CTNNA2: variants seen among roughly 807,000 people sequenced by gnomAD.
CTNNA2 encodes catenin alpha-2.
Under a neutral mutation model 101.0 loss-of-function variants are expected in CTNNA2, and 42 were observed. That is an observed-to-expected ratio of 0.42 (90% CI 0.32 to 0.54). The LOEUF (loss-of-function observed/expected upper bound fraction) is 0.54. CTNNA2 is among the 20% of genes least tolerant of loss of function. CTNNA2 has a pLI of 0.14. For synonymous variants in CTNNA2, 450 were observed against 456.4 expected (o/e 0.99, Z 0.18); for missense variants, 871 against 1,223.1 (o/e 0.71, Z 4.29).
At chr2:79,378,290 A>G (rs1198967208) in intron 4 of CTNNA2, among the ~76,000 whole-genome samples, 6 of 152,210 alleles carry the variant, frequency 3.9e-5, no homozygotes, top group African/African-American at 1.4e-4. Flanking sequence ...GAGAGAAAAG[A>G]TCAAATGTAG....
rs114314432 is a variant in CTNNA2 at position 79,502,382 on chromosome 2, A to C, written c.-134-2672A>C. ...TGTTGAGAATGTACAACTTCTTGGCATAAAAGTGAAGAAAAATTCTACAGC... is the reference window on the plus strand; with the variant it reads ...TGTTGAGAATGTACAACTTCTTGGCCTAAAAGTGAAGAAAAATTCTACAGC... On this transcript the variant is annotated intron_variant, in intron 4 of 21. Coordinates refer to the CTNNA2 transcript ENST00000466387. Among the ~76,000 whole-genome samples, 189 of 152,326 alleles carry C rather than the reference A, an allele frequency of 1.2e-3. 1 individual carries two copies. The highest frequency in any genetic ancestry group is 2.0e-3 in the Non-Finnish European group (137 of 68,036).
chr2:79,586,158 G>T (rs530086532), intron 1 of CTNNA2, among the ~76,000 whole-genome samples: 1 of 152,130 alleles, frequency 6.6e-6, no homozygotes, highest in Admixed American at 6.5e-5. Flanking sequence ...TCTGCACCGG[G>T]TGCTGAACAC....
intron 3 of CTNNA2, among the ~76,000 whole-genome samples, chr2:79,362,801 A>G (rs984912561): frequency 6.6e-6 from 1 of 152,184 alleles, no homozygotes; most frequent in African/African-American, 2.4e-5. Flanking sequence ...AAAGGATGAC[A>G]CAGAGCATAG....
intron 1 of CTNNA2, among the ~76,000 whole-genome samples, chr2:79,577,753 C>T (rs1383830769): frequency 6.6e-6 from 1 of 152,086 alleles, no homozygotes; most frequent in East Asian, 1.9e-4. Flanking sequence ...CTCAATAGTG[C>T]TGTCTCTTTG....
At position 79,322,625 on chromosome 2, in the gene CTNNA2, C is replaced by G. The variant is rs1361457389; in HGVS notation, c.-318+9829C>G. 3.9e-5 allele frequency among the ~76,000 whole-genome samples: 6 copies of G among 152,180 alleles called. No individual in the cohort carries two copies. In the East Asian group the frequency reaches 1.2e-3, roughly 29 times the overall value. ...GGGACTCAGGCTATCTTGAAAGACA[C>G]AGAGCATATTCTCATCCACTTCTAT... is the stretch of plus-strand genomic sequence containing the variant. On this transcript the variant is annotated intron_variant, in intron 3 of 21. Transcript: ENST00000466387.
chr2:79,922,267 A>G (rs1686712957), intron 7 of CTNNA2, among the ~76,000 whole-genome samples: 1 of 152,186 alleles, frequency 6.6e-6, no homozygotes, highest in South Asian at 2.1e-4. Context: ...ACTCAAGAAG[A>G]CATCATTTGC....
intron 1 of CTNNA2, among the ~76,000 whole-genome samples, chr2:79,561,735 C>T (rs1674793890): frequency 6.6e-6 from 1 of 151,822 alleles, no homozygotes; most frequent in African/African-American, 2.4e-5. Context: ...TTTTCATGTA[C>T]TTGGTGGCCC....
chr2:79,546,217 A>G (rs563123653), intron 1 of CTNNA2, among the ~76,000 whole-genome samples: 3 of 152,210 alleles, frequency 2.0e-5, no homozygotes, highest in East Asian at 3.9e-4. Flanking sequence ...ACATACTCTC[A>G]CTCAGATGGC....
intron 7 of CTNNA2, among the ~76,000 whole-genome samples, chr2:79,969,143 G>T (rs1325119488): frequency 6.6e-6 from 1 of 152,124 alleles, no homozygotes; most frequent in Non-Finnish European, 1.5e-5. Context: ...GGCTTTCCTT[G>T]TGCACTACCA....
At chr2:79,530,923 A>T (rs1439984094) in intron 1 of CTNNA2, among the ~76,000 whole-genome samples, 1 of 152,088 alleles carries the variant, frequency 6.6e-6, no homozygotes, top group African/African-American at 2.4e-5. Context: ...GTAGGTAGAC[A>T]GAAATGGGTC....
chr2:80,355,251 C>G (rs912571623), intron 7 of CTNNA2, among the ~76,000 whole-genome samples: 2 of 152,200 alleles, frequency 1.3e-5, no homozygotes, highest in Admixed American at 1.3e-4. Flanking sequence ...TTTACAGACT[C>G]TCCTCCGGCT....
chr2:80,565,012 A>G (rs1204132598), intron 12 of CTNNA2, among the ~76,000 whole-genome samples: 2 of 152,214 alleles, frequency 1.3e-5, no homozygotes, highest in Non-Finnish European at 1.5e-5. Flanking sequence ...AAGACACTTA[A>G]GATTTAAATT....
At chr2:79,917,817 A>G (rs2104365523) in intron 7 of CTNNA2, among the ~76,000 whole-genome samples, 1 of 152,208 alleles carries the variant, frequency 6.6e-6, no homozygotes, top group Admixed American at 6.5e-5. Flanking sequence ...GGAGAGTGTG[A>G]GAGCTTGTGT....
chr2:80,591,464 T>TG, intron 15 of CTNNA2, among the ~76,000 whole-genome samples: 1 of 140,174 alleles, frequency 7.1e-6, no homozygotes, highest in Non-Finnish European at 1.5e-5. Flanking sequence ...CCTGTTTTTT[T>TG]TTTTTTTTTT....
chr2:79,728,168 G>A (rs558766749), intron 2 of CTNNA2, among the ~76,000 whole-genome samples: 1 of 152,226 alleles, frequency 6.6e-6, no homozygotes, highest in Admixed American at 6.5e-5. Flanking sequence ...CTTCCACAAT[G>A]GTTGAACTAG....
chr2:79,872,020 A>G (rs1018208812), intron 5 of CTNNA2, among the ~76,000 whole-genome samples: 1 of 152,222 alleles, frequency 6.6e-6, no homozygotes. Flanking sequence ...AACACATAAT[A>G]CCCTACCACC....
rs575733631 is a variant in CTNNA2, at chr2:79,860,530, C to T, written c.465+2351C>T. On this transcript the variant is annotated intron_variant, in intron 4 of 18. Transcript: ENST00000402739. ...AGTCAATTGCAATCTCTTCTCCACA[C>T]AGCCGAGTAAGGGAAGTTTTTTTTT... is the stretch of plus-strand genomic sequence containing the variant. Among the ~76,000 whole-genome samples, 4 of 113,138 alleles carry T rather than the reference C, an allele frequency of 3.5e-5. No homozygotes were observed. The East Asian group carries it at 9.7e-4, about 27-fold the overall frequency. The allele number at this position is 113,138 out of a possible 152,430, so 74.2% of individuals were successfully genotyped here.
At chr2:79,870,950 C>A (rs1682541480) in intron 5 of CTNNA2, among the ~76,000 whole-genome samples, 1 of 152,154 alleles carries the variant, frequency 6.6e-6, no homozygotes, top group African/African-American at 2.4e-5. Flanking sequence ...ACCATATCAG[C>A]CTCCTTTTTG....
chr2:79,263,872 T>C (rs1445284943), intron 2 of CTNNA2, among the ~76,000 whole-genome samples: 1 of 152,154 alleles, frequency 6.6e-6, no homozygotes, highest in African/African-American at 2.4e-5. Flanking sequence ...TGGTTATAAC[T>C]TACCCAGTCT....
Sources: gnomAD v4.1 joint callset for allele counts (sites outside exome capture counted in the v4.1 genomes callset) on GRCh38, gnomAD v4.1.1 for gene constraint, MANE v1.5 for transcripts, NCBI Gene and HGNC (gene_info 2026-07-23, HGNC 2026-07-21) for gene names.